Variants in PFKFB2 observed in about 807,000 individuals in gnomAD.
PFKFB2 encodes 6-phosphofructo-2-kinase/fructose-2,6-bisphosphatase 2.
Under a neutral mutation model 68.0 loss-of-function variants are expected in PFKFB2, and 53 were observed. The observed-to-expected ratio is 0.78, with a 90% CI of 0.63 to 0.98. The LOEUF is 0.98. Among genes scored for constraint, PFKFB2 ranks in the 50% least tolerant of loss-of-function variants. PFKFB2 has a pLI of 0.00. For missense variants in PFKFB2, 451 were observed against 642.0 expected (o/e 0.70, Z 3.22); for synonymous variants, 222 against 227.6 (o/e 0.98, Z 0.22).
chr1:207,068,228 C>CCAGTTGAAGAGGACCATA lies in PFKFB2; in HGVS notation c.910_927dup (p.Leu304_Gln309dup). On this transcript the variant is annotated inframe_insertion, in exon 10 of 15. Coordinates refer to ENST00000367080, the MANE Select transcript of PFKFB2 (RefSeq NM_006212.2). The stretch of plus-strand genomic sequence containing the variant: ...TAACAGACCTCAAAGTGTGGACAAG[C>CCAGTTGAAGAGGACCATA]CAGTTGAAGAGGACCATACAGACTG... 6.2e-7 allele frequency: 1 copy of CCAGTTGAAGAGGACCATA among 1,612,734 alleles called. No individual in the cohort carries two copies. Among genetic ancestry groups the CCAGTTGAAGAGGACCATA allele is most frequent in the South Asian group, 1.1e-5 (1 of 90,926 alleles).
chr1:207,061,129 CTTTATATATATCTTTATATATA>C lies in PFKFB2; in HGVS notation c.86-800_86-779del, dbSNP rs1285777546. ...TATATCTATATATCTTTATATATATCTTTATATATATCTTTATATATATTTATATATATCTTTATATATATAT... is the reference window on the plus strand; with the variant it reads ...TATATCTATATATCTTTATATATATCTTTATATATATCTTTATATATATAT... On this transcript the variant is annotated intron_variant, in intron 2 of 14. Transcript: ENST00000367080. 1.6e-4 allele frequency among the ~76,000 whole-genome samples: 11 copies of C among 69,930 alleles called. No individual in the cohort carries two copies. The East Asian group carries it at 3.9e-3, about 25-fold the overall frequency. 45.9% of individuals were successfully genotyped at this position (69,930 alleles called of 152,430 possible).
intron 8 of PFKFB2, among the ~76,000 whole-genome samples, chr1:207,067,254 A>T (rs998934379): frequency 6.6e-6 from 1 of 152,172 alleles, no homozygotes. Context: ...TATCTACATT[A>T]CTTGTCACAC....
At chr1:207,067,834 T>C (rs1019187194) in intron 9 of PFKFB2, 128 bp downstream of exon 9, 3 of 789,038 alleles carry the variant, frequency 3.8e-6, no homozygotes, top group Non-Finnish European at 4.2e-6. Context: ...GTCAGGCAAG[T>C]GCTCAAGGTG....
upstream of PFKFB2, chr1:207,052,818 A>T (rs903075296): frequency 6.6e-6 from 1 of 152,358 alleles, no homozygotes; most frequent in African/African-American, 2.4e-5. Flanking sequence ...TAATTAGCTC[A>T]AGTGTTGTGG....
chr1:207,042,896 G>C (rs900627524), intron 2 of PFKFB2, among the ~76,000 whole-genome samples: 1 of 152,158 alleles, frequency 6.6e-6, no homozygotes, highest in Non-Finnish European at 1.5e-5. Flanking sequence ...ATAACTGTAA[G>C]TGGTGAGTGA....
intron 8 of PFKFB2, chr1:207,065,393 C>A: frequency 1.2e-6 from 1 of 812,132 alleles, no homozygotes; most frequent in Non-Finnish European, 1.5e-6. Context: ...CTCTGTCACC[C>A]AGGCTGGAGT....
chr1:207,059,505 A>C (rs1015203204), intron 2 of PFKFB2, among the ~76,000 whole-genome samples: 3 of 152,218 alleles, frequency 2.0e-5, no homozygotes, highest in Non-Finnish European at 4.4e-5. Context: ...GATTAATGCC[A>C]GCTGAGGCTT....
At chr1:207,041,756 G>T (rs779852662) in intron 1 of PFKFB2, among the ~76,000 whole-genome samples, 5 of 152,184 alleles carry the variant, frequency 3.3e-5, no homozygotes, top group African/African-American at 9.7e-5. Context: ...TCAGTAATGG[G>T]ATTGTTGGGT....
chr1:207,072,901 G>A lies in PFKFB2; in HGVS notation c.*530G>A, dbSNP rs777510017. On this transcript the variant is annotated 3_prime_UTR_variant, in exon 15 of 15. Coordinates refer to ENST00000367080, the MANE Select transcript of PFKFB2 (RefSeq NM_006212.2). ...TCTGGATTGTCCAGTGTAATGCATG[G>A]CATTGTGGTGTCTGTCTAGGAAGGA... The A allele has an allele frequency of 1.9e-5, 19 of 986,068 alleles. No individual in the cohort carries two copies. Among genetic ancestry groups the A allele is most frequent in the Non-Finnish European group, 2.3e-5 (19 of 830,490 alleles). 61.1% of individuals were successfully genotyped at this position (986,068 alleles called of 1,614,324 possible).
chr1:207,048,064 T>C (rs1385611), intron 2 of PFKFB2: 151,002 of 152,670 alleles, frequency 0.99, 74,676 homozygotes, highest in Middle Eastern at 1. Context: ...AAAATTAAAT[T>C]CCCCCCGATA....
chr1:207,073,763 T>A lies in PFKFB2; in HGVS notation c.*1392T>A, dbSNP rs186259720. On this transcript the variant is annotated 3_prime_UTR_variant, in exon 15 of 15. Transcript: ENST00000367080. ...AGAAAATGTTTAGGGAAGAAATTCT[T>A]AGCCCCTTGATGACCATGATGGCTT... 1 of 984,702 alleles carries A rather than the reference T, an allele frequency of 1.0e-6. No individual in the cohort carries two copies. The highest frequency in any genetic ancestry group is 1.7e-5 in the African/African-American group (1 of 57,362). The allele number at this position is 984,702 out of a possible 1,614,324, so 61.0% of individuals were successfully genotyped here.
intron 1 of PFKFB2, 127 bp from the exon 2 acceptor site, chr1:207,054,574 G>A (rs1162659068): frequency 1.6e-6 from 1 of 607,134 alleles, no homozygotes; most frequent in Non-Finnish European, 2.9e-6. Context: ...GGGAGAAACA[G>A]GACTGAACCT....
intron 2 of PFKFB2, among the ~76,000 whole-genome samples, chr1:207,061,109 C>T (rs1240699021): frequency 1.6e-4 from 13 of 79,538 alleles, no homozygotes; most frequent in African/African-American, 6.2e-4. Context: ...TTATATATAT[C>T]TATATATCTT....
In PFKFB2 at chr1:207,070,873, G is replaced by A. The variant is rs1012623194; in HGVS notation, c.1223-315G>A. On this transcript the variant is annotated intron_variant, in intron 12 of 14. Coordinates refer to ENST00000367080, the MANE Select transcript of PFKFB2 (RefSeq NM_006212.2). This position sits in a 1 kb window ranked among gnomAD's most constrained non-coding sequence, Gnocchi z 4.2. ...GATGCTGAGCTCAGCATCCTGAGCT[G>A]CTTGGAAGCTGTTGTGGTCAGACCT... 1.2e-5 allele frequency: 4 copies of A among 320,488 alleles called. No individual in the cohort carries two copies. The highest frequency in any genetic ancestry group is 8.7e-5 in the African/African-American group (4 of 46,190). The allele number at this position is 320,488 out of a possible 1,614,324, so 19.9% of individuals were successfully genotyped here. A position where few individuals can be genotyped will look rare whatever the true frequency, so the allele number is the denominator to read the frequency against.
Position 207,070,510 on chromosome 1 carries a change from A to G in PFKFB2, c.1222+101A>G. On this transcript the variant is annotated intron_variant, in intron 12 of 14. Coordinates refer to ENST00000367080, the MANE Select transcript of PFKFB2 (RefSeq NM_006212.2). This position sits in a 1 kb window ranked among gnomAD's most constrained non-coding sequence, Gnocchi z 4.2. ...GAAACAGACCTCCCTGTCTCCACTC[A>G]AATTAGAGTACTTTCTCCAGACAGC... The G allele has an allele frequency of 7.9e-7, 1 of 1,267,322 alleles. No individual in the cohort carries two copies. The highest frequency in any genetic ancestry group is 1.1e-6 in the Non-Finnish European group (1 of 913,484). 78.5% of individuals were successfully genotyped at this position (1,267,322 alleles called of 1,614,324 possible).
intron 14 of PFKFB2, 88 bp downstream of exon 14, chr1:207,071,661 A>G: frequency 1.1e-6 from 1 of 946,186 alleles, no homozygotes; most frequent in Non-Finnish European, 1.7e-6. Context: ...GGTTTCTTTT[A>G]TGTACAAAAG....
chr1:207,072,161 G>A, intron 14 of PFKFB2, 43 bp from the exon 15 acceptor site: 4 of 1,602,854 alleles, frequency 2.5e-6, no homozygotes, highest in Non-Finnish European at 3.4e-6. Flanking sequence ...GTGAGCTTTT[G>A]GCTTGGCTTT....
rs1190021074 is a variant in PFKFB2, at chr1:207,070,250, C to T, written c.1093-30C>T. 5.0e-6 allele frequency: 8 copies of T among 1,611,494 alleles called. No individual in the cohort carries two copies. In the Admixed American group the frequency reaches 5.0e-5, roughly 10 times the overall value. On this transcript the variant is annotated intron_variant, in intron 11 of 14. Transcript: ENST00000367080. This position sits in a 1 kb window ranked among gnomAD's most constrained non-coding sequence, Gnocchi z 4.2. Reference sequence around the variant, plus strand: ...TTGGCTGCCAGCTTGCACCTGGGCTCCTGCCAGCCTGCCCCATTTCCCTCC... The same window carrying T: ...TTGGCTGCCAGCTTGCACCTGGGCTTCTGCCAGCCTGCCCCATTTCCCTCC...
rs546685459 is a variant in PFKFB2, at chr1:207,077,410, A to T, written c.*5039A>T. The T allele has an allele frequency of 2.0e-6, 2 of 985,282 alleles. No individual in the cohort carries two copies. The highest frequency in any genetic ancestry group is 9.4e-5 in the South Asian group (2 of 21,278). The allele number at this position is 985,282 out of a possible 1,614,324, so 61.0% of individuals were successfully genotyped here. On this transcript the variant is annotated 3_prime_UTR_variant, in exon 15 of 15. Transcript: ENST00000367080. Reference sequence around the variant, plus strand: ...ATCTGTGACCAATGTTTACCTACGCAATGTTTTTGTATCTGAATTGCTTAT... The same window carrying T: ...ATCTGTGACCAATGTTTACCTACGCTATGTTTTTGTATCTGAATTGCTTAT...
Sources: gnomAD v4.1 joint callset for allele counts (sites outside exome capture counted in the v4.1 genomes callset) on GRCh38, gnomAD v4.1.1 for gene constraint, Gnocchi (gnomAD v3.1) non-coding constraint, MANE v1.5 for transcripts, NCBI Gene and HGNC (gene_info 2026-07-23, HGNC 2026-07-21) for gene names.